ADAM17: variants seen among roughly 807,000 people sequenced by gnomAD.
ADAM17 encodes the protein ADAM metallopeptidase domain 17.
In ADAM17, 39 loss-of-function variants were observed where a neutral mutation model predicts 96.7. That is an observed-to-expected ratio of 0.40 (90% confidence interval 0.31 to 0.53). ADAM17 has a LOEUF of 0.53. Ranked by LOEUF, ADAM17 falls within the 20% of genes least tolerant of loss-of-function variation. The pLI, the probability that ADAM17 is intolerant of heterozygous loss-of-function variation, is 0.44. For synonymous variants in ADAM17, 344 were observed against 359.2 expected, an observed-to-expected ratio of 0.96 and a Z score of 0.48; for missense variants, 777 against 1,013.2, an observed-to-expected ratio of 0.77 and a Z score of 3.17.
intron 1 of ADAM17, among the ~76,000 whole-genome samples, chr2:9,548,328 T>TC (rs1345168948): frequency 6.6e-6 from 1 of 151,264 alleles, no homozygotes; most frequent in African/African-American, 2.4e-5. Flanking sequence ...TGAGACTCCA[T>TC]CCCCCCCAAA....
At chr2:9,530,414 AAAG>A (rs1286153098) in intron 4 of ADAM17, among the ~76,000 whole-genome samples, 3 of 152,238 alleles carry the variant, frequency 2.0e-5, no homozygotes, top group African/African-American at 4.8e-5. Context: ...CTCATTAGGT[AAAG>A]TAGTGATAAT....
intron 8 of ADAM17, among the ~76,000 whole-genome samples, chr2:9,520,207 T>C (rs1355768380): frequency 6.6e-6 from 1 of 152,232 alleles, no homozygotes; most frequent in African/African-American, 2.4e-5. Context: ...CCACTTGTGA[T>C]AATTAAAGCA....
chr2:9,504,337 G>A (rs1414132741), intron 12 of ADAM17, among the ~76,000 whole-genome samples: 2 of 151,808 alleles, frequency 1.3e-5, no homozygotes, highest in Non-Finnish European at 2.9e-5. Flanking sequence ...CCCAGTTATT[G>A]GGGAGGCTGA....
chr2:9,526,000 A>G, intron 6 of ADAM17, 111 bp downstream of exon 6: 1 of 1,102,736 alleles, frequency 9.1e-7, no homozygotes, highest in Non-Finnish European at 1.2e-6. Context: ...TCCCTCAAAT[A>G]TTTTAGGGAA....
intron 7 of ADAM17, 93 bp downstream of exon 7, chr2:9,523,156 T>C (rs1664377756): frequency 2.2e-6 from 2 of 899,694 alleles, no homozygotes; most frequent in African/African-American, 1.7e-5. Context: ...TTTACAATTA[T>C]TGTTAAGGAC....
intron 6 of ADAM17, among the ~76,000 whole-genome samples, chr2:9,523,616 C>CT (rs1178126711): frequency 2.0e-5 from 3 of 152,074 alleles, no homozygotes; most frequent in African/African-American, 7.2e-5. Context: ...AAGTAACAGG[C>CT]TTTTTTAAAA....
chr2:9,550,014 A>G lies in ADAM17; in HGVS notation c.97+5495T>C, dbSNP rs181365019. Among the ~76,000 whole-genome samples, 15 of 152,280 alleles carry G rather than the reference A, an allele frequency of 9.9e-5. No individual in the cohort carries two copies. The East Asian group carries it at 2.9e-3, about 29-fold the overall frequency. ...ACTTCTGATATCAGAAATGGAAAACATAAAGCCAGTACTGCTGTGAAGTGT... is the reference window on the plus strand; with the variant it reads ...ACTTCTGATATCAGAAATGGAAAACGTAAAGCCAGTACTGCTGTGAAGTGT... On this transcript the variant is annotated intron_variant, in intron 1 of 18. Coordinates refer to ENST00000310823, the MANE Select transcript of ADAM17 (RefSeq NM_003183.6).
At chr2:9,534,528 C>T (rs1008021514) in intron 4 of ADAM17, among the ~76,000 whole-genome samples, 1 of 152,120 alleles carries the variant, frequency 6.6e-6, no homozygotes, top group African/African-American at 2.4e-5. Context: ...GAGCAAGACT[C>T]CGTCTCAAAA....
chr2:9,547,318 A>G (rs1303566454), intron 1 of ADAM17, among the ~76,000 whole-genome samples: 1 of 152,232 alleles, frequency 6.6e-6, no homozygotes, highest in African/African-American at 2.4e-5. Flanking sequence ...GATACAACAC[A>G]GAGAAAAAGA....
chr2:9,528,126 T>C (rs1674643391), intron 4 of ADAM17, among the ~76,000 whole-genome samples, 172 bp from the exon 5 acceptor site: 1 of 152,116 alleles, frequency 6.6e-6, no homozygotes, highest in African/African-American at 2.4e-5. Flanking sequence ...ATGGAGTTTC[T>C]ATGCAGGAAA....
chr2:9,533,182 C>T (rs1341519394), intron 4 of ADAM17, among the ~76,000 whole-genome samples: 1 of 148,498 alleles, frequency 6.7e-6, no homozygotes, highest in Non-Finnish European at 1.5e-5. Flanking sequence ...GGGCGAGATG[C>T]CATCTTAAAA....
In ADAM17 at chr2:9,494,774, CAG is replaced by C. The variant is rs1160207361; in HGVS notation, c.1784-9_1784-8del. ...TTGCAGGAGTTGTCAGTTTCTGGAA[CAG>C]AGAACACGCATTGACAGCTGGATTG... On this transcript the variant is annotated splice_polypyrimidine_tract_variant and splice_region_variant and intron_variant, in intron 14 of 18. Coordinates refer to ENST00000310823, the MANE Select transcript of ADAM17 (RefSeq NM_003183.6). 2 of 1,613,804 alleles carry C rather than the reference CAG, an allele frequency of 1.2e-6. No homozygotes were observed. Among genetic ancestry groups the C allele is most frequent in the South Asian group, 1.1e-5 (1 of 91,052 alleles).
chr2:9,526,269 T>C, intron 5 of ADAM17, 25 bp from the exon 6 acceptor site: 1 of 1,598,914 alleles, frequency 6.3e-7, no homozygotes. Flanking sequence ...TATGCACTAT[T>C]AAATCAAAAT....
rs1661877047 is a variant in ADAM17, at chr2:9,489,262, T to C, written c.*915A>G. ...ATTCTAGGTTTGTAGATAGTGAATT[T>C]TTTTTTTTTTTTTTTTTTTTTGAGG... On this transcript the variant is annotated 3_prime_UTR_variant, in exon 19 of 19. Transcript: ENST00000310823. The C allele has an allele frequency of 1.2e-5, 1 of 83,868 alleles. No homozygotes were observed. The highest frequency in any genetic ancestry group is 3.1e-5 in the Non-Finnish European group (1 of 32,334). 5.2% of individuals were successfully genotyped at this position (83,868 alleles called of 1,614,324 possible).
intron 4 of ADAM17, among the ~76,000 whole-genome samples, chr2:9,530,687 A>C (rs1664701055): frequency 6.6e-6 from 1 of 152,176 alleles, no homozygotes; most frequent in African/African-American, 2.4e-5. Flanking sequence ...ATTATTAGAT[A>C]ATATTGTAGA....
rs1663047894 is a variant in ADAM17, at chr2:9,502,237, C to G, written c.1584G>C (p.Glu528Asp). 1 of 1,613,952 alleles carries G rather than the reference C, an allele frequency of 6.2e-7. No individual in the cohort carries two copies. Among genetic ancestry groups the G allele is most frequent in the African/African-American group, 1.3e-5 (1 of 74,916 alleles). Residue 528 changes from glutamate to aspartate, a missense_variant, in exon 13 of 19, where the codon GAG becomes GAC. This residue lies in a region of ADAM17 where 446 missense variants were observed against 664.7 expected (regional missense o/e 0.67). Transcript: ENST00000310823. ...NSPCCKNCQF[E>D]TAQKKCQEAI... Reference sequence around the variant, plus strand: ...CCTCCTGGCACTTCTTCTGGGCAGTCTCAAACTGACAGTTTTTACAGCAAG... The same window carrying G: ...CCTCCTGGCACTTCTTCTGGGCAGTGTCAAACTGACAGTTTTTACAGCAAG...
At chr2:9,526,464 C>T (rs1428770972) in intron 5 of ADAM17, among the ~76,000 whole-genome samples, 1 of 152,126 alleles carries the variant, frequency 6.6e-6, no homozygotes, top group Non-Finnish European at 1.5e-5. Flanking sequence ...GGACAAGTGC[C>T]TCTTTAATTT....
At position 9,492,101 on chromosome 2, in the gene ADAM17, A is replaced by G. The variant is rs190932680; in HGVS notation, c.2082+797T>C. ...AGGCAGGAGAAGCCAGCAGGAAAGG[A>G]AAGGAAGGAGGCAGTAGGAAAAACT... On this transcript the variant is annotated intron_variant, in intron 17 of 18. Transcript: ENST00000310823. Among the ~76,000 whole-genome samples, 178 of 152,322 alleles carry G rather than the reference A, an allele frequency of 1.2e-3. 2 individuals carry two copies. Among genetic ancestry groups the G allele is most frequent in the African/African-American group, 4.1e-3 (169 of 41,580 alleles).
chr2:9,492,289 A>G (rs1469264128), intron 17 of ADAM17, among the ~76,000 whole-genome samples: 2 of 152,252 alleles, frequency 1.3e-5, no homozygotes, highest in Non-Finnish European at 2.9e-5. Flanking sequence ...TCGTAAGAAC[A>G]TTTATGAAAA....
Sources: allele counts gnomAD v4.1 joint callset (sites outside exome capture counted in the v4.1 genomes callset), GRCh38; gene constraint gnomAD v4.1.1; regional missense constraint gnomAD v4.1.1; transcripts MANE v1.5; gene names NCBI Gene and HGNC (gene_info 2026-07-23, HGNC 2026-07-21).